KRT12: variants seen among roughly 807,000 people sequenced by gnomAD.
KRT12 encodes keratin 12.
In KRT12, 43 loss-of-function variants were observed where a neutral mutation model predicts 50.2. That is an observed-to-expected ratio of 0.86 (90% CI 0.67 to 1.11). KRT12 has a LOEUF of 1.11. Ranked by LOEUF, KRT12 falls within the 50% of genes least tolerant of loss-of-function variation. The pLI is 0.00. For missense variants in KRT12, 588 were observed against 625.6 expected (o/e 0.94, Z 0.64); for synonymous variants, 257 against 253.6 (o/e 1.01, Z -0.13).
Position 40,866,924 on chromosome 17 carries a change from G to C in KRT12, c.263C>G (p.Ala88Gly). ...CCCTCCAAAGCTACCTCCACCCAGG[G>C]CTCTCCCATAACCAGCACCCAGTCC... Reference protein sequence around the residue: ...AGGLGAGYGRALGGGSFGGLG... With the variant: ...AGGLGAGYGRGLGGGSFGGLG... Residue 88 changes from alanine to glycine, a missense_variant, in exon 1 of 8, where the codon GCC (alanine) becomes GGC (glycine). Coordinates refer to ENST00000251643, the MANE Select transcript of KRT12 (RefSeq NM_000223.4). 5 of 1,613,098 alleles carry C rather than the reference G, an allele frequency of 3.1e-6. No homozygotes were observed. The highest frequency in any genetic ancestry group is 4.2e-6 in the Non-Finnish European group (5 of 1,179,670).
intron 7 of KRT12, among the ~76,000 whole-genome samples, chr17:40,862,360 A>C (rs1231319742): frequency 6.6e-6 from 1 of 152,172 alleles, no homozygotes; most frequent in Non-Finnish European, 1.5e-5. Context: ...GGCATGAGCC[A>C]CCATGCCCAG....
chr17:40,866,186 C>A lies in KRT12; in HGVS notation c.619G>T (p.Ala207Ser). Residue 207 changes from alanine (A) to serine (S), a missense_variant, in exon 2 of 8, where the codon GCG (alanine) becomes TCG (serine). Transcript: ENST00000251643. ...NAQLLLQIDN[A>S]RLAAEDFRMK... Reference sequence around the variant, plus strand: ...CTGAAGTCCTCAGCAGCTAGTCTCGCATTGTCAATCTGCAAGAGGAGCTGG... The same window carrying A: ...CTGAAGTCCTCAGCAGCTAGTCTCGAATTGTCAATCTGCAAGAGGAGCTGG... 6.2e-7 allele frequency: 1 copy of A among 1,614,098 alleles called. No homozygotes were observed. Among genetic ancestry groups the A allele is most frequent in the Non-Finnish European group, 8.5e-7 (1 of 1,179,956 alleles).
At position 40,863,928 on chromosome 17, in the gene KRT12, A is replaced by G. The variant is rs372683784; in HGVS notation, c.808-64T>C. 76 of 1,157,338 alleles carry G rather than the reference A, an allele frequency of 6.6e-5. No homozygotes were observed. In the East Asian group the frequency reaches 9.9e-4, roughly 15 times the overall value. 71.7% of individuals were successfully genotyped at this position (1,157,338 alleles called of 1,614,324 possible). On this transcript the variant is annotated intron_variant, in intron 3 of 7. Coordinates refer to ENST00000251643, the MANE Select transcript of KRT12 (RefSeq NM_000223.4). This position sits in a 1 kb window ranked among gnomAD's most constrained non-coding sequence, Gnocchi z 4.2. ...ATTGTGACTTTCGTGGGCCCTGGATACTTTTGTCCTCTTGGGCCCCTTCCT... is the reference window on the plus strand; with the variant it reads ...ATTGTGACTTTCGTGGGCCCTGGATGCTTTTGTCCTCTTGGGCCCCTTCCT...
chr17:40,865,050 C>A (rs1906968737), intron 2 of KRT12, 88 bp from the exon 3 acceptor site: 1 of 1,361,554 alleles, frequency 7.3e-7, no homozygotes, highest in Non-Finnish European at 1.0e-6. Flanking sequence ...TTGCTTAAAT[C>A]TGTGCACCTA....
In KRT12 at chr17:40,864,797, C is replaced by A; in HGVS notation, c.807+9G>T. Reference sequence around the variant, plus strand: ...AAGTAGCTGAGTGAGGCTGCCCTGTCTGACTCACATCCTCGTGGTTCTTCT... The same window carrying A: ...AAGTAGCTGAGTGAGGCTGCCCTGTATGACTCACATCCTCGTGGTTCTTCT... On this transcript the variant is annotated intron_variant, in intron 3 of 7. Coordinates refer to ENST00000251643, the MANE Select transcript of KRT12 (RefSeq NM_000223.4). The A allele has an allele frequency of 6.2e-7, 1 of 1,613,806 alleles. No homozygotes were observed. Among genetic ancestry groups the A allele is most frequent in the East Asian group, 2.2e-5 (1 of 44,886 alleles).
chr17:40,863,668 T>C lies in KRT12; in HGVS notation c.969+35A>G. Reference sequence around the variant, plus strand: ...CGCTGAGCTCGTTCGCAGGCCTTTCTGTGAATGTATCAAAGCCTTTGTTGT... The same window carrying C: ...CGCTGAGCTCGTTCGCAGGCCTTTCCGTGAATGTATCAAAGCCTTTGTTGT... On this transcript the variant is annotated intron_variant, in intron 4 of 7. Transcript: ENST00000251643. This position sits in a 1 kb window ranked among gnomAD's most constrained non-coding sequence, Gnocchi z 4.2. The C allele has an allele frequency of 1.2e-6, 2 of 1,614,246 alleles. No individual in the cohort carries two copies. The highest frequency in any genetic ancestry group is 1.7e-6 in the Non-Finnish European group (2 of 1,180,046).
rs1160796720 is a variant in KRT12 at position 40,863,332 on chromosome 17, C to A, written c.1107G>T (p.Leu369=). 2 of 1,613,922 alleles carry A rather than the reference C, an allele frequency of 1.2e-6. No individual in the cohort carries two copies. ...LQSQLAMKKS[L]EDSLAEAEGD... Reference sequence around the variant, plus strand: ...CCTCGGCTTCGGCCAAGGAGTCCTCCAGGGATTTCTTCTGCACGTGGGAGG... The same window carrying A: ...CCTCGGCTTCGGCCAAGGAGTCCTCAAGGGATTTCTTCTGCACGTGGGAGG... The change falls in exon 6 of 8, where the codon CTG becomes CTT. Residue 369 remains leucine (L), a synonymous_variant. Coordinates refer to ENST00000251643, the MANE Select transcript of KRT12 (RefSeq NM_000223.4). This position sits in a 1 kb window ranked among gnomAD's most constrained non-coding sequence, Gnocchi z 4.2.
At position 40,863,355 on chromosome 17, in the gene KRT12, A is replaced by C; in HGVS notation, c.1096-12T>G. 2 of 1,613,672 alleles carry C rather than the reference A, an allele frequency of 1.2e-6. No individual in the cohort carries two copies. The highest frequency in any genetic ancestry group is 1.1e-5 in the South Asian group (1 of 91,028). ...TCCAGGGATTTCTTCTGCACGTGGG[A>C]GGGAAATGGCATAGAAATAACGATG... On this transcript the variant is annotated splice_polypyrimidine_tract_variant and intron_variant, in intron 5 of 7. Transcript: ENST00000251643. This position sits in a 1 kb window ranked among gnomAD's most constrained non-coding sequence, Gnocchi z 4.2.
Position 40,861,715 on chromosome 17 carries a change from C to A in KRT12, c.1431G>T (p.Met477Ile). The change falls in exon 8 of 8, where the codon ATG becomes ATT. Residue 477 changes from methionine to isoleucine, a missense_variant. Transcript: ENST00000251643. Reference sequence around the variant, plus strand: ...GAGATGAGACCACCTCACCATTCACCATCTCCTGCACAACTGTCTTGATTT... The same window carrying A: ...GAGATGAGACCACCTCACCATTCACAATCTCCTGCACAACTGTCTTGATTT... ...TRKIKTVVQE[M>I]VNGEVVSSQV... The A allele has an allele frequency of 1.2e-6, 2 of 1,614,020 alleles. No homozygotes were observed. Among genetic ancestry groups the A allele is most frequent in the Non-Finnish European group, 1.7e-6 (2 of 1,179,904 alleles).
In KRT12 at chr17:40,867,028, A is replaced by G; in HGVS notation, c.159T>C (p.Cys53=). 1 of 1,601,798 alleles carries G rather than the reference A, an allele frequency of 6.2e-7. No individual in the cohort carries two copies. The highest frequency in any genetic ancestry group is 1.7e-4 in the Middle Eastern group (1 of 5,974). ...TGGAAGCAGCAGAAAAGCCTCCCCC[A>G]CAGCTGGCTCCAAAGCCAAAGGCAC... ...GGSAFGFGAS[C]GGGFSAASMF... is the part of the protein sequence containing the mutation. Residue 53 remains cysteine (C), a synonymous_variant, in exon 1 of 8, where the codon TGT becomes TGC. Coordinates refer to ENST00000251643, the MANE Select transcript of KRT12 (RefSeq NM_000223.4).
chr17:40,863,384 G>A lies in KRT12; in HGVS notation c.1096-41C>T. 6 of 1,613,146 alleles carry A rather than the reference G, an allele frequency of 3.7e-6. No homozygotes were observed. Among genetic ancestry groups the A allele is most frequent in the Non-Finnish European group, 4.2e-6 (5 of 1,179,212 alleles). On this transcript the variant is annotated intron_variant, in intron 5 of 7. Transcript: ENST00000251643. The surrounding 1 kb of genome is among the most constrained non-coding windows in gnomAD (Gnocchi z 4.2). ...AAATGGCATAGAAATAACGATGGAG[G>A]GGACCGAAAAGAGGAGGGTAGCCAA... is the stretch of plus-strand genomic sequence containing the variant.
At position 40,863,838 on chromosome 17, in the gene KRT12, G is replaced by A; in HGVS notation, c.834C>T (p.Gly278=). Residue 278 remains glycine, a synonymous_variant, in exon 4 of 8, where the codon GGC becomes GGT. Transcript: ENST00000251643. The surrounding 1 kb of genome is among the most constrained non-coding windows in gnomAD (Gnocchi z 4.2). ...CCATTTCTACGCTGACCTCGCCTGG[G>A]CCGCCCACCCGGAAGCTTTGGAGCT... ...EDELQSFRVG[G]PGEVSVEMDA... is the part of the protein sequence containing the mutation. 6.2e-7 allele frequency: 1 copy of A among 1,608,632 alleles called. No individual in the cohort carries two copies. The highest frequency in any genetic ancestry group is 8.5e-7 in the Non-Finnish European group (1 of 1,177,984).
chr17:40,864,880 T>G lies in KRT12; in HGVS notation c.733A>C (p.Thr245Pro), dbSNP rs1413330417. Residue 245 changes from threonine to proline, a missense_variant, in exon 3 of 8, where the codon ACC (threonine) becomes CCC (proline). Coordinates refer to ENST00000251643, the MANE Select transcript of KRT12 (RefSeq NM_000223.4). ...LRRVLDELTL[T>P]RTDLEMQIES... ...ATCTGCATCTCCAGGTCGGTCCTGG[T>G]CAGGGTCAGCTCGTCCAGCACCCGG... The G allele has an allele frequency of 6.2e-7, 1 of 1,614,206 alleles. No homozygotes were observed.
At position 40,866,936 on chromosome 17, in the gene KRT12, C is replaced by A. The variant is rs756755206; in HGVS notation, c.251G>T (p.Gly84Val). 2 of 1,610,562 alleles carry A rather than the reference C, an allele frequency of 1.2e-6. No individual in the cohort carries two copies. The highest frequency in any genetic ancestry group is 1.7e-6 in the Non-Finnish European group (2 of 1,178,442). ...GSSMAGGLGA[G>V]YGRALGGGSF... Reference sequence around the variant, plus strand: ...ACCTCCACCCAGGGCTCTCCCATAACCAGCACCCAGTCCTCCTGCCATGGA... The same window carrying A: ...ACCTCCACCCAGGGCTCTCCCATAAACAGCACCCAGTCCTCCTGCCATGGA... The change falls in exon 1 of 8, where the codon GGT (glycine) becomes GTT (valine). Residue 84 changes from glycine to valine, a missense_variant. Transcript: ENST00000251643.
chr17:40,867,182 T>A lies in KRT12; in HGVS notation c.5A>T (p.Asp2Val), dbSNP rs772315405. The change falls in exon 1 of 8, where the codon GAT becomes GTT. Residue 2 changes from aspartate to valine, a missense_variant. Transcript: ENST00000251643. ...GAGTGACATGGTGTTGTTGGAGAGATCCATGGCCTGGGGAAGGTGGCCACA... is the reference window on the plus strand; with the variant it reads ...GAGTGACATGGTGTTGTTGGAGAGAACCATGGCCTGGGGAAGGTGGCCACA... M[D>V]LSNNTMSLSV... 1 of 1,605,260 alleles carries A rather than the reference T, an allele frequency of 6.2e-7. No homozygotes were observed. Among genetic ancestry groups the A allele is most frequent in the Admixed American group, 1.7e-5 (1 of 60,010 alleles).
intron 7 of KRT12, 91 bp from the exon 8 acceptor site, chr17:40,861,849 A>G: frequency 1.2e-6 from 1 of 841,384 alleles, no homozygotes; most frequent in Non-Finnish European, 2.1e-6. Context: ...TAAATTAAGC[A>G]TTGGTTGATA....
chr17:40,863,848 C>A lies in KRT12; in HGVS notation c.824G>T (p.Arg275Leu), dbSNP rs776472982. ...KNHEDELQSF[R>L]VGGPGEVSVE... ...GCTGACCTCGCCTGGGCCGCCCACC[C>A]GGAAGCTTTGGAGCTCCTGGGGACA... The change falls in exon 4 of 8, where the codon CGG becomes CTG. Residue 275 changes from arginine to leucine, a missense_variant. By Grantham distance (102) the Arg-to-Leu change is moderately radical (BLOSUM62 -2). Transcript: ENST00000251643. This position sits in a 1 kb window ranked among gnomAD's most constrained non-coding sequence, Gnocchi z 4.2. 1.2e-5 allele frequency: 19 copies of A among 1,605,986 alleles called. No homozygotes were observed. The highest frequency in any genetic ancestry group is 2.1e-4 in the Middle Eastern group (1 of 4,684).
At position 40,861,548 on chromosome 17, in the gene KRT12, A is replaced by G; in HGVS notation, c.*113T>C. ...GAATAGGGAATCCAAAGAAAATGGA[A>G]CAGACAAAAATAGGGATTGAAGTAA... On this transcript the variant is annotated 3_prime_UTR_variant, in exon 8 of 8. Coordinates refer to ENST00000251643, the MANE Select transcript of KRT12 (RefSeq NM_000223.4). 1.3e-6 allele frequency: 1 copy of G among 746,034 alleles called. No homozygotes were observed. Among genetic ancestry groups the G allele is most frequent in the Non-Finnish European group, 2.4e-6 (1 of 412,836 alleles). 46.2% of individuals were successfully genotyped at this position (746,034 alleles called of 1,614,324 possible).
In KRT12 at chr17:40,863,441, T is replaced by A; in HGVS notation, c.1095+44A>T. 2 of 1,614,240 alleles carry A rather than the reference T, an allele frequency of 1.2e-6. No individual in the cohort carries two copies. Among genetic ancestry groups the A allele is most frequent in the Non-Finnish European group, 1.7e-6 (2 of 1,180,016 alleles). On this transcript the variant is annotated intron_variant, in intron 5 of 7. Coordinates refer to ENST00000251643, the MANE Select transcript of KRT12 (RefSeq NM_000223.4). This position sits in a 1 kb window ranked among gnomAD's most constrained non-coding sequence, Gnocchi z 4.2. ...ATGTAATTTGGATGCAGCATTTTCTTTGGAAGTCCAAAGGATGCTACGTCT... is the reference window on the plus strand; with the variant it reads ...ATGTAATTTGGATGCAGCATTTTCTATGGAAGTCCAAAGGATGCTACGTCT...
Sources: gnomAD v4.1 joint callset for allele counts (sites outside exome capture counted in the v4.1 genomes callset) on GRCh38, gnomAD v4.1.1 for gene constraint, Gnocchi (gnomAD v3.1) non-coding constraint, MANE v1.5 for transcripts, NCBI Gene and HGNC (gene_info 2026-07-23, HGNC 2026-07-21) for gene names.